The following ARHGAP5 variants were observed in gnomAD, a reference collection of about 807,000 sequenced individuals.
ARHGAP5 encodes the protein Rho GTPase activating protein 5.
In ARHGAP5, 23 loss-of-function variants were observed where a neutral mutation model predicts 116.6. That is an observed-to-expected ratio of 0.20 (90% confidence interval 0.14 to 0.28). The LOEUF (loss-of-function observed/expected upper bound fraction) is 0.28. Among genes scored for constraint, ARHGAP5 ranks in the 10% least tolerant of loss-of-function variants. ARHGAP5 has a pLI of 1.00. For missense variants in ARHGAP5, 1,405 were observed against 1,774.8 expected, an observed-to-expected ratio of 0.79 and a Z score of 3.74; for synonymous variants, 574 against 602.0, an observed-to-expected ratio of 0.95 and a Z score of 0.68.
intron 3 of ARHGAP5, among the ~76,000 whole-genome samples, chr14:32,120,036 C>A (rs551529918): frequency 5.9e-5 from 9 of 151,952 alleles, no homozygotes; most frequent in Non-Finnish European, 1.0e-4. Flanking sequence ...GGTAGTATTT[C>A]TTTCTTTAAT....
intron 4 of ARHGAP5, among the ~76,000 whole-genome samples, chr14:32,148,480 T>C (rs1881494446): frequency 6.6e-6 from 1 of 152,156 alleles, no homozygotes; most frequent in Non-Finnish European, 1.5e-5. Flanking sequence ...TGAAGAGTTT[T>C]CTCTCCGAGC....
chr14:32,100,242 C>T (rs372900690), intron 2 of ARHGAP5, among the ~76,000 whole-genome samples: 1 of 152,188 alleles, frequency 6.6e-6, no homozygotes, highest in Non-Finnish European at 1.5e-5. Context: ...GCTGTGTTGC[C>T]CAGGCTGGAG....
At chr14:32,135,044 T>A (rs1406654044) in intron 3 of ARHGAP5, among the ~76,000 whole-genome samples, 1 of 152,194 alleles carries the variant, frequency 6.6e-6, no homozygotes, top group East Asian at 1.9e-4. Context: ...CCCATGCTTG[T>A]CCATTCCCAG....
rs1177321554 is a variant in ARHGAP5, at chr14:32,157,668, TA to T, written c.*2721del. ...TAAGAATAAAATTCCAGGCACAATA[TA>T]TTTTTTTTAAATGGTATTTGTTAGT... On this transcript the variant is annotated 3_prime_UTR_variant, in exon 7 of 7. Transcript: ENST00000345122. 7 of 151,840 alleles carry T rather than the reference TA, an allele frequency of 4.6e-5. No homozygotes were observed. The highest frequency in any genetic ancestry group is 7.4e-5 in the Non-Finnish European group (5 of 67,742). The allele number at this position is 151,840 out of a possible 1,614,324, so 9.4% of individuals were successfully genotyped here.
chr14:32,146,563 C>T (rs1881389328), intron 4 of ARHGAP5, among the ~76,000 whole-genome samples: 1 of 152,094 alleles, frequency 6.6e-6, no homozygotes, highest in Non-Finnish European at 1.5e-5. Context: ...AAGGAAGTCA[C>T]TGATTACTTT....
At chr14:32,113,214 C>T (rs758097807) in intron 2 of ARHGAP5, among the ~76,000 whole-genome samples, 15 of 152,108 alleles carry the variant, frequency 9.9e-5, no homozygotes, top group Non-Finnish European at 2.1e-4. Context: ...CACCTTGAAG[C>T]GTAAATGATT....
At chr14:32,101,443 C>T (rs1314915293) in intron 2 of ARHGAP5, among the ~76,000 whole-genome samples, 1 of 152,140 alleles carries the variant, frequency 6.6e-6, no homozygotes, top group East Asian at 1.9e-4. Flanking sequence ...CTCACTCTAT[C>T]TGTAAATTGT....
intron 2 of ARHGAP5, among the ~76,000 whole-genome samples, chr14:32,102,952 T>A (rs1438458095): frequency 1.3e-5 from 2 of 152,250 alleles, no homozygotes; most frequent in African/African-American, 4.8e-5. Flanking sequence ...AAATTGATTT[T>A]GCTGAAAATT....
chr14:32,092,212 A>G lies in ARHGAP5; in HGVS notation c.1543A>G (p.Met515Val). ...DLNATPSSDK[M>V]SEIHTVLSEE... ...TAATGCAACACCTAGTTCAGATAAA[A>G]TGAGTGAAATTCATACAGTTCTGAG... Residue 515 changes from methionine to valine, a missense_variant, in exon 2 of 7, where the codon ATG becomes GTG. Physicochemically the swap from Met to Val is conservative, Grantham distance 21. Transcript: ENST00000345122. The surrounding 1 kb of genome is among the most constrained non-coding windows in gnomAD (Gnocchi z 4.1). 6.2e-7 allele frequency: 1 copy of G among 1,613,374 alleles called. No individual in the cohort carries two copies. The highest frequency in any genetic ancestry group is 8.5e-7 in the Non-Finnish European group (1 of 1,179,614).
rs750299190 is a variant in ARHGAP5 at position 32,091,845 on chromosome 14, A to G, written c.1176A>G (p.Ile392Met). Residue 392 changes from isoleucine to methionine, a missense_variant, in exon 2 of 7, where the codon ATA becomes ATG. Around this residue, in one of 6 missense-constraint regions of ARHGAP5, gnomAD observed 944 missense variants for 1,095.3 expected, o/e 0.86. Transcript: ENST00000345122. Reference protein sequence around the residue: ...EKTPWDETDHIDKINDRRIPF... With the variant: ...EKTPWDETDHMDKINDRRIPF... ...CTCCTTGGGATGAAACTGACCATATAGACAAAATTAATGATAGGCGGATTC... is the reference window on the plus strand; with the variant it reads ...CTCCTTGGGATGAAACTGACCATATGGACAAAATTAATGATAGGCGGATTC... The G allele has an allele frequency of 6.2e-7, 1 of 1,613,518 alleles. No homozygotes were observed. The highest frequency in any genetic ancestry group is 8.5e-7 in the Non-Finnish European group (1 of 1,179,616).
At chr14:32,120,327 T>TTTATCAATAA (rs1198456764) in intron 3 of ARHGAP5, among the ~76,000 whole-genome samples, 1 of 152,102 alleles carries the variant, frequency 6.6e-6, no homozygotes, top group Non-Finnish European at 1.5e-5. Flanking sequence ...GTGGTTGAGG[T>TTTATCAATAA]TTATCAATTT....
In ARHGAP5 at chr14:32,091,416, T is replaced by G. The variant is rs1226668930; in HGVS notation, c.747T>G (p.Thr249=). 10 of 1,610,248 alleles carry G rather than the reference T, an allele frequency of 6.2e-6. No individual in the cohort carries two copies. The East Asian group carries it at 1.1e-4, about 18-fold the overall frequency. Residue 249 remains threonine, a synonymous_variant, in exon 2 of 7, where the codon ACT becomes ACG. Transcript: ENST00000345122. The part of the protein sequence containing the change: ...FTALVQMLDK[T]RSKPKIIPYL... ...CACTGGTACAAATGTTGGATAAAACTCGTAGCAAGCCTAAAATTATTCCCT... is the reference window on the plus strand; with the variant it reads ...CACTGGTACAAATGTTGGATAAAACGCGTAGCAAGCCTAAAATTATTCCCT...
chr14:32,109,520 T>A (rs1033454864), intron 2 of ARHGAP5, among the ~76,000 whole-genome samples: 2 of 152,106 alleles, frequency 1.3e-5, no homozygotes, highest in Non-Finnish European at 2.9e-5. Context: ...GTTATCAGAT[T>A]ATTTTTACAT....
chr14:32,140,439 T>A (rs947779897), intron 3 of ARHGAP5, among the ~76,000 whole-genome samples: 2 of 150,822 alleles, frequency 1.3e-5, no homozygotes, highest in African/African-American at 4.9e-5. Flanking sequence ...AAAAAAAAAT[T>A]AGCCAGGTGT....
chr14:32,158,670 GA>G lies in ARHGAP5; in HGVS notation c.*3723del, dbSNP rs1881998251. On this transcript the variant is annotated 3_prime_UTR_variant, in exon 7 of 7. Coordinates refer to ENST00000345122, the MANE Select transcript of ARHGAP5 (RefSeq NM_001030055.2). ...GTTTCAATACATATGGGACATGGTT[GA>G]TTTTTTTACTGTATTAGAACTCTTG... 6.6e-6 allele frequency: 1 copy of G among 151,768 alleles called. No individual in the cohort carries two copies. The highest frequency in any genetic ancestry group is 1.5e-5 in the Non-Finnish European group (1 of 67,764). 9.4% of individuals were successfully genotyped at this position (151,768 alleles called of 1,614,324 possible).
rs1879843582 is a variant in ARHGAP5, at chr14:32,120,746, GAAGAGTTTA to G, written c.3865+3461_3865+3469del. On this transcript the variant is annotated intron_variant, in intron 3 of 6. Coordinates refer to ENST00000345122, the MANE Select transcript of ARHGAP5 (RefSeq NM_001030055.2). ...AGTTTGATTCCAGGTTAAGTTTATT[GAAGAGTTTA>G]ATGAGACCTTGAACTGAATGTTTAT... Among the ~76,000 whole-genome samples the G allele has an allele frequency of 2.6e-5, 4 of 151,822 alleles. No homozygotes were observed. The South Asian group carries it at 8.3e-4, about 32-fold the overall frequency.
chr14:32,154,910 C>A lies in ARHGAP5; in HGVS notation c.4471C>A (p.Gln1491Lys), dbSNP rs143148346. 1.9e-5 allele frequency: 31 copies of A among 1,613,762 alleles called. No homozygotes were observed. The highest frequency in any genetic ancestry group is 2.3e-5 in the Non-Finnish European group (27 of 1,179,852). ...LPPPLQPQLI[Q>K]PQLQTDPLGI... ...GCCACCATTGCAACCTCAGCTGATA[C>A]AACCACAATTACAAACGGATCCTCT... The change falls in exon 7 of 7, where the codon CAA becomes AAA. Residue 1491 changes from glutamine to lysine, a missense_variant. Gln to Lys is a moderately conservative substitution (Grantham distance 53). Transcript: ENST00000345122.
chr14:32,128,167 C>T (rs548547511), intron 3 of ARHGAP5, among the ~76,000 whole-genome samples: 9 of 151,320 alleles, frequency 5.9e-5, no homozygotes, highest in South Asian at 2.1e-4. Context: ...GACGGGATGA[C>T]GGCCGGGAAG....
At chr14:32,122,416 T>G (rs1203044550) in intron 3 of ARHGAP5, among the ~76,000 whole-genome samples, 1 of 152,204 alleles carries the variant, frequency 6.6e-6, no homozygotes, top group Middle Eastern at 3.2e-3. Flanking sequence ...GGATACAAAT[T>G]GTTTTCAAAT....
Sources: allele counts gnomAD v4.1 joint callset (sites outside exome capture counted in the v4.1 genomes callset), GRCh38; gene constraint gnomAD v4.1.1; regional missense constraint gnomAD v4.1.1; non-coding constraint Gnocchi (gnomAD v3.1); transcripts MANE v1.5; gene names NCBI Gene and HGNC (gene_info 2026-07-23, HGNC 2026-07-21).